Variants in EEF1E1 observed in about 807,000 individuals in gnomAD.
The protein encoded by EEF1E1 is eukaryotic translation elongation factor 1 epsilon-1.
In EEF1E1, 19 loss-of-function variants were observed where a neutral mutation model predicts 19.9. That is an observed-to-expected ratio of 0.95 (90% CI 0.66 to 1.40). The LOEUF (loss-of-function observed/expected upper bound fraction) is 1.40. Among genes scored for constraint, EEF1E1 ranks in the 40% most tolerant of loss-of-function variants. The pLI is 0.00. For synonymous variants in EEF1E1, 81 were observed against 80.0 expected (o/e 1.01, Z -0.07); for missense variants, 198 against 202.2 (o/e 0.98, Z 0.13).
At position 8,079,902 on chromosome 6, in the gene EEF1E1, AGT is replaced by A; in HGVS notation, c.511_512del (p.Thr171Ter). 1 of 1,611,954 alleles carries A rather than the reference AGT, an allele frequency of 6.2e-7. No individual in the cohort carries two copies. Among genetic ancestry groups the A allele is most frequent in the Admixed American group, 1.7e-5 (1 of 59,996 alleles). On this transcript the variant is annotated frameshift_variant, in exon 4 of 4. Coordinates refer to ENST00000379715, the MANE Select transcript of EEF1E1 (RefSeq NM_004280.5). LOFTEE classifies it high-confidence loss of function. Reference sequence around the variant, plus strand: ...GCATGGACAGCTTCTAGTGGGAATTAGTATATAGTCTGTTCTTGATGAAGACA... The same window carrying A: ...GCATGGACAGCTTCTAGTGGGAATTAATATAGTCTGTTCTTGATGAAGACA... ...SVVFIKNRLYTNSH is the reference protein window; with the variant it reads ...SVVFIKNRLYXNSH
chr6:8,095,178 T>C (rs1343300972), intron 2 of EEF1E1, among the ~76,000 whole-genome samples: 3 of 152,044 alleles, frequency 2.0e-5, no homozygotes, highest in African/African-American at 7.2e-5. Context: ...TGTAAAAAGG[T>C]GTTGACAACA....
At chr6:8,097,005 AG>A (rs1758193826) in intron 2 of EEF1E1, among the ~76,000 whole-genome samples, 1 of 152,350 alleles carries the variant, frequency 6.6e-6, no homozygotes, top group East Asian at 1.9e-4. Flanking sequence ...GGAAAAGCAC[AG>A]GGTGCTGTGA....
chr6:8,102,220 G>A (rs1758385563), intron 1 of EEF1E1: 3 of 615,414 alleles, frequency 4.9e-6, no homozygotes, highest in Non-Finnish European at 6.1e-6. Flanking sequence ...TTCAGGCCAA[G>A]CCCAACCTGA....
chr6:8,089,591 T>C (rs1432313219), intron 3 of EEF1E1, among the ~76,000 whole-genome samples: 1 of 152,208 alleles, frequency 6.6e-6, no homozygotes, highest in Non-Finnish European at 1.5e-5. Flanking sequence ...GATCAGATGG[T>C]GCCCACCCAG....
intron 1 of EEF1E1, chr6:8,102,089 A>AG: frequency 3.2e-6 from 1 of 315,580 alleles, no homozygotes; most frequent in Non-Finnish European, 4.5e-6. Context: ...CGATTACGGG[A>AG]AAAAAAAAAA....
intron 1 of EEF1E1, among the ~76,000 whole-genome samples, chr6:8,099,769 C>G (rs1369177735): frequency 8.2e-6 from 1 of 121,778 alleles, no homozygotes; most frequent in Admixed American, 7.7e-5. Context: ...CACACACACA[C>G]ACACACACAC....
At chr6:8,092,866 CTGCTTTTT>C (rs1758051177) in intron 2 of EEF1E1, among the ~76,000 whole-genome samples, 1 of 102,258 alleles carries the variant, frequency 9.8e-6, no homozygotes. Flanking sequence ...GTGATAAAGA[CTGCTTTTT>C]TTTTTTTTTT....
At chr6:8,091,029 T>C (rs1180487063) in intron 2 of EEF1E1, among the ~76,000 whole-genome samples, 4 of 152,366 alleles carry the variant, frequency 2.6e-5, no homozygotes, top group South Asian at 4.1e-4. Flanking sequence ...CTTTGAATTC[T>C]TTTGGGTATA....
Position 8,083,089 on chromosome 6 carries a change from C to T in EEF1E1, c.385-3059G>A, listed in dbSNP as rs116619058. 1.8e-3 allele frequency among the ~76,000 whole-genome samples: 272 copies of T among 152,248 alleles called. 3 individuals carry two copies. Among genetic ancestry groups the T allele is most frequent in the African/African-American group, 6.3e-3 (261 of 41,560 alleles). ...TATAGTGGTGCTTGGCTCTTTCTGC[C>T]TAATAATTCCTTTTAATTTATATTG... On this transcript the variant is annotated intron_variant, in intron 3 of 3. Coordinates refer to ENST00000379715, the MANE Select transcript of EEF1E1 (RefSeq NM_004280.5).
chr6:8,076,459 G>T (rs1358233348), downstream of EEF1E1, among the ~76,000 whole-genome samples: 1 of 151,946 alleles, frequency 6.6e-6, no homozygotes, highest in Non-Finnish European at 1.5e-5. Flanking sequence ...GAGTAGCTGG[G>T]ACTACAGGCG....
chr6:8,086,509 T>A (rs79612152), intron 3 of EEF1E1, among the ~76,000 whole-genome samples: 179 of 152,246 alleles, frequency 1.2e-3, no homozygotes, highest in African/African-American at 4.2e-3. Flanking sequence ...AAACCATGGA[T>A]AGGTTGGGGC....
rs1271996735 is a variant in EEF1E1, at chr6:8,079,653, G to T, written c.*237C>A. 8.5e-7 allele frequency: 1 copy of T among 1,180,032 alleles called. No homozygotes were observed. The highest frequency in any genetic ancestry group is 1.1e-6 in the Non-Finnish European group (1 of 952,012). 73.1% of individuals were successfully genotyped at this position (1,180,032 alleles called of 1,614,324 possible). On this transcript the variant is annotated 3_prime_UTR_variant, in exon 4 of 4. Transcript: ENST00000379715. ...ATAAATGTCATCTACTAAAAACAAGGTTAATTTATAACTGGATCTCAACTT... is the reference window on the plus strand; with the variant it reads ...ATAAATGTCATCTACTAAAAACAAGTTTAATTTATAACTGGATCTCAACTT...
rs539867069 is a variant in EEF1E1, at chr6:8,090,217, A to G, written c.353T>C (p.Ile118Thr). 5.5e-5 allele frequency: 84 copies of G among 1,527,064 alleles called. 3 individuals are homozygous for G. The South Asian group carries it at 8.8e-4, about 16-fold the overall frequency. 94.6% of individuals were successfully genotyped at this position (1,527,064 alleles called of 1,614,324 possible). A position where few individuals can be genotyped will look rare whatever the true frequency, so the allele number is the denominator to read the frequency against. ...GCGATGAAGTCCATAGTACAATAGTATATCTGCTAATGTAAAGTTATACCC... is the reference window on the plus strand; with the variant it reads ...GCGATGAAGTCCATAGTACAATAGTGTATCTGCTAATGTAAAGTTATACCC... ...LTGYNFTLAD[I>T]LLYYGLHRFI... is the part of the protein sequence containing the mutation. The change falls in exon 3 of 4, where the codon ATA becomes ACA. Residue 118 changes from isoleucine (I) to threonine (T), a missense_variant. Ile to Thr is a moderately conservative substitution (Grantham distance 89). Coordinates refer to ENST00000379715, the MANE Select transcript of EEF1E1 (RefSeq NM_004280.5).
At chr6:8,076,603 A>G (rs1025257174), downstream of EEF1E1, among the ~76,000 whole-genome samples, 12 of 152,016 alleles carry the variant, frequency 7.9e-5, no homozygotes, top group South Asian at 2.1e-4. Flanking sequence ...GATTACAGGC[A>G]TGAGCCACCA....
intron 1 of EEF1E1, among the ~76,000 whole-genome samples, chr6:8,101,241 AAAATATATAT>A (rs1195104801): frequency 1.3e-5 from 1 of 75,476 alleles, no homozygotes; most frequent in Non-Finnish European, 2.5e-5. Flanking sequence ...AAAAAAAAAA[AAAATATATAT>A]ATATATATAT....
At chr6:8,092,126 C>T (rs374942656) in intron 2 of EEF1E1, among the ~76,000 whole-genome samples, 6 of 152,266 alleles carry the variant, frequency 3.9e-5, no homozygotes, top group South Asian at 2.1e-4. Flanking sequence ...GAAGGCTCTG[C>T]CTCCAGGACC....
intron 3 of EEF1E1, among the ~76,000 whole-genome samples, chr6:8,088,072 T>C (rs966974969): frequency 1.4e-5 from 2 of 139,628 alleles, no homozygotes; most frequent in Non-Finnish European, 3.1e-5. Context: ...TACGCCTCAG[T>C]TATCTCATCT....
At chr6:8,086,587 A>G (rs1757860738) in intron 3 of EEF1E1, among the ~76,000 whole-genome samples, 1 of 152,162 alleles carries the variant, frequency 6.6e-6, no homozygotes, top group East Asian at 1.9e-4. Context: ...ACACATTAAG[A>G]CACTTCAGTC....
chr6:8,100,619 C>T (rs1318509832), intron 1 of EEF1E1, among the ~76,000 whole-genome samples: 1 of 152,128 alleles, frequency 6.6e-6, no homozygotes, highest in Non-Finnish European at 1.5e-5. Context: ...ACTGCACAAA[C>T]CCCTCTTCAG....
Sources: allele counts gnomAD v4.1 joint callset (sites outside exome capture counted in the v4.1 genomes callset), GRCh38; gene constraint gnomAD v4.1.1; transcripts MANE v1.5; gene names NCBI Gene and HGNC (gene_info 2026-07-23, HGNC 2026-07-21).